Variants in CSMD1 observed in about 807,000 individuals in gnomAD.
CSMD1 encodes CUB and sushi domain-containing protein 1.
Under a neutral mutation model 417.5 loss-of-function variants are expected in CSMD1, and 213 were observed. The ratio of observed to expected loss-of-function variants is 0.51; its 90% CI spans 0.46 to 0.57. The LOEUF (loss-of-function observed/expected upper bound fraction) is 0.57. CSMD1 is among the 20% of genes least tolerant of loss of function. The pLI is 0.00. For missense variants in CSMD1, 6,923 were observed against 4,529.7 expected, an observed-to-expected ratio of 1.53 and a Z score of -15.17; for synonymous variants, 2,862 against 1,736.8, an observed-to-expected ratio of 1.65 and a Z score of -16.11.
chr8:4,058,102 T>A (rs1244129833), intron 3 of CSMD1, among the ~76,000 whole-genome samples: 2 of 152,172 alleles, frequency 1.3e-5, no homozygotes, highest in African/African-American at 4.8e-5. Flanking sequence ...GGGATGGCAT[T>A]GAATCTATAA....
intron 8 of CSMD1, among the ~76,000 whole-genome samples, chr8:3,604,271 A>T (rs1801498893): frequency 6.6e-6 from 1 of 152,186 alleles, no homozygotes; most frequent in African/African-American, 2.4e-5. Context: ...CAGTGCTAGA[A>T]AGTCAAAGGC....
At chr8:4,249,053 C>T (rs566689134) in intron 3 of CSMD1, among the ~76,000 whole-genome samples, 9 of 152,140 alleles carry the variant, frequency 5.9e-5, no homozygotes, top group Non-Finnish European at 1.3e-4. Flanking sequence ...AATGAATTTA[C>T]TATTAATCTT....
In CSMD1 at chr8:3,513,269, T is replaced by C. The variant is rs1465363498; in HGVS notation, c.1345-19543A>G. Among the ~76,000 whole-genome samples, 3 of 152,116 alleles carry C rather than the reference T, an allele frequency of 2.0e-5. 1 individual carries two copies. Among genetic ancestry groups the C allele is most frequent in the Admixed American group, 6.6e-5 (1 of 15,264 alleles). Reference sequence around the variant, plus strand: ...CCCCTATTTGGAAATTATTTTGTTTTTTGTAAGAGGAGTATTTTCTGAGTG... The same window carrying C: ...CCCCTATTTGGAAATTATTTTGTTTCTTGTAAGAGGAGTATTTTCTGAGTG... On this transcript the variant is annotated intron_variant, in intron 10 of 69. Transcript: ENST00000635120.
chr8:3,299,491 A>T (rs974360013), intron 25 of CSMD1, among the ~76,000 whole-genome samples: 1 of 151,956 alleles, frequency 6.6e-6, no homozygotes, highest in Non-Finnish European at 1.5e-5. Context: ...TCGCTAAGGA[A>T]CTCTGTGATA....
intron 3 of CSMD1, among the ~76,000 whole-genome samples, chr8:4,125,876 T>C (rs973304552): frequency 6.6e-6 from 1 of 152,084 alleles, no homozygotes; most frequent in East Asian, 1.9e-4. Context: ...GCTACAAGTT[T>C]AGGACTTACG....
chr8:4,918,987 G>T (rs749705521), intron 1 of CSMD1, among the ~76,000 whole-genome samples: 6 of 152,072 alleles, frequency 3.9e-5, no homozygotes, highest in Admixed American at 3.9e-4. Context: ...AGTTGTTTGG[G>T]CACCTAAAAT....
chr8:4,047,329 G>C (rs959869648), intron 3 of CSMD1, among the ~76,000 whole-genome samples: 7 of 152,128 alleles, frequency 4.6e-5, no homozygotes, highest in South Asian at 2.1e-4. Context: ...AAAACAAAAT[G>C]ATCTTCTACC....
intron 1 of CSMD1, among the ~76,000 whole-genome samples, chr8:4,700,461 C>T (rs958643850): frequency 6.6e-6 from 1 of 152,068 alleles, no homozygotes; most frequent in African/African-American, 2.4e-5. Context: ...TGCTTGGAAA[C>T]AACCTGCATA....
At chr8:3,837,336 C>G (rs1469194205) in intron 5 of CSMD1, among the ~76,000 whole-genome samples, 1 of 152,100 alleles carries the variant, frequency 6.6e-6, no homozygotes, top group African/African-American at 2.4e-5. Context: ...ATTTCTACAT[C>G]AGAGCCCCAG....
chr8:4,822,042 C>T (rs1304982032), intron 1 of CSMD1, among the ~76,000 whole-genome samples: 5 of 151,978 alleles, frequency 3.3e-5, no homozygotes, highest in African/African-American at 9.7e-5. Flanking sequence ...TATTACATTC[C>T]CTCTTTCCCT....
Position 3,559,308 on chromosome 8 carries a change from G to C in CSMD1, c.1344+15637C>G, listed in dbSNP as rs901504481. ...GTGAACATGAAGATCGCCATGGAAT[G>C]ATTGTTTGTGATTTCAAAGACTAGG... On this transcript the variant is annotated intron_variant, in intron 10 of 69. Transcript: ENST00000635120. Among the ~76,000 whole-genome samples, 3 of 152,344 alleles carry C rather than the reference G, an allele frequency of 2.0e-5. No individual in the cohort carries two copies. In the South Asian group the frequency reaches 6.2e-4, roughly 32 times the overall value.
chr8:3,313,659 C>G (rs11136605), intron 23 of CSMD1, among the ~76,000 whole-genome samples: 3 of 151,996 alleles, frequency 2.0e-5, no homozygotes, highest in Non-Finnish European at 4.4e-5. Context: ...GGAACACTTT[C>G]ACACTGTTGG....
At position 4,267,090 on chromosome 8, in the gene CSMD1, G is replaced by C. The variant is rs1228781372; in HGVS notation, c.415+152863C>G. Among the ~76,000 whole-genome samples, 2 of 102,990 alleles carry C rather than the reference G, an allele frequency of 1.9e-5. 1 individual carries two copies. Among genetic ancestry groups the C allele is most frequent in the African/African-American group, 5.2e-5 (2 of 38,112 alleles). 67.6% of individuals were successfully genotyped at this position (102,990 alleles called of 152,430 possible). On this transcript the variant is annotated intron_variant, in intron 3 of 69. Coordinates refer to ENST00000635120, the MANE Select transcript of CSMD1 (RefSeq NM_033225.6). Reference sequence around the variant, plus strand: ...GAATAGAGTGTCTGTTTACTTCAATGTTATTTTTTTTTGAAAGTGCTTTCT... The same window carrying C: ...GAATAGAGTGTCTGTTTACTTCAATCTTATTTTTTTTTGAAAGTGCTTTCT...
chr8:3,781,123 C>A (rs1799155988), intron 5 of CSMD1, among the ~76,000 whole-genome samples: 2 of 152,098 alleles, frequency 1.3e-5, no homozygotes, highest in African/African-American at 4.8e-5. Context: ...AAAACACCTT[C>A]AGCTTTGGAG....
In CSMD1 at chr8:3,701,820, C is replaced by T. The variant is rs944167756; in HGVS notation, c.1009+6594G>A. ...ACAGAGATACAAGTTTTAAAATCTG[C>T]CCTTCCAAATTATGCCTGAGCCACA... On this transcript the variant is annotated intron_variant, in intron 7 of 69. Coordinates refer to ENST00000635120, the MANE Select transcript of CSMD1 (RefSeq NM_033225.6). Among the ~76,000 whole-genome samples the T allele has an allele frequency of 5.9e-5, 9 of 152,260 alleles. No homozygotes were observed. In the East Asian group the frequency reaches 1.7e-3, roughly 29 times the overall value.
At chr8:4,098,270 G>T (rs1013273096) in intron 3 of CSMD1, among the ~76,000 whole-genome samples, 1 of 152,048 alleles carries the variant, frequency 6.6e-6, no homozygotes, top group Non-Finnish European at 1.5e-5. Context: ...AGATGTAATG[G>T]CATCAGAACA....
chr8:3,497,339 T>A (rs1179189691), intron 10 of CSMD1, among the ~76,000 whole-genome samples: 1 of 152,230 alleles, frequency 6.6e-6, no homozygotes, highest in South Asian at 2.1e-4. Flanking sequence ...TGGGTGCATA[T>A]ATGTTTACAA....
At chr8:4,804,209 A>G (rs1798460843) in intron 1 of CSMD1, among the ~76,000 whole-genome samples, 1 of 152,142 alleles carries the variant, frequency 6.6e-6, no homozygotes, top group Non-Finnish European at 1.5e-5. Context: ...AATTTAAACC[A>G]TATTTAACTA....
intron 3 of CSMD1, among the ~76,000 whole-genome samples, chr8:4,385,789 T>A (rs888099225): frequency 6.6e-6 from 1 of 152,180 alleles, no homozygotes; most frequent in African/African-American, 2.4e-5. Context: ...TTTGTATTTG[T>A]AGAGTGTTAA....
Sources: gnomAD v4.1 joint callset for allele counts (sites outside exome capture counted in the v4.1 genomes callset) on GRCh38, gnomAD v4.1.1 for gene constraint, MANE v1.5 for transcripts, NCBI Gene and HGNC (gene_info 2026-07-23, HGNC 2026-07-21) for gene names.